CEMIP: variants seen among roughly 807,000 people sequenced by gnomAD.
The protein encoded by CEMIP is cell migration-inducing and hyaluronan-binding protein.
In CEMIP, 105 loss-of-function variants were observed where a neutral mutation model predicts 156.9. The observed-to-expected ratio is 0.67, with a 90% CI of 0.57 to 0.79. The LOEUF is 0.79. CEMIP is among the 30% of genes least tolerant of loss of function. The probability of loss-of-function intolerance (pLI) is 0.00; values close to 1 mark genes in which losing one functional copy is unlikely to be tolerated. For synonymous variants in CEMIP, 676 were observed against 668.4 expected, an observed-to-expected ratio of 1.01 and a Z score of -0.17; for missense variants, 1,457 against 1,769.4, an observed-to-expected ratio of 0.82 and a Z score of 3.17.
chr15:80,838,529 A>G (rs1897315879), intron 1 of CEMIP, among the ~76,000 whole-genome samples: 1 of 152,008 alleles, frequency 6.6e-6, no homozygotes, highest in Non-Finnish European at 1.5e-5. Context: ...CTGCCCAAAT[A>G]TGATGGTTGG....
chr15:80,790,117 TAA>T (rs1448172354), intron 1 of CEMIP, among the ~76,000 whole-genome samples: 1 of 152,216 alleles, frequency 6.6e-6, no homozygotes, highest in African/African-American at 2.4e-5. Flanking sequence ...CCCAATACAA[TAA>T]AGAGTCCTTT....
intron 14 of CEMIP, 200 bp downstream of exon 14, chr15:80,909,506 T>A: frequency 1.5e-6 from 1 of 670,624 alleles, no homozygotes; most frequent in Non-Finnish European, 2.7e-6. Context: ...TTACCAAAGG[T>A]ACCAAGCAGA....
At position 80,925,928 on chromosome 15, in the gene CEMIP, A is replaced by G. The variant is rs1676203389; in HGVS notation, c.2420+173A>G. On this transcript the variant is annotated intron_variant, in intron 19 of 29. Coordinates refer to ENST00000394685, the MANE Select transcript of CEMIP (RefSeq NM_001293298.2). ...AGAATGGCAGCAGGCAGTGGCCAAA[A>G]AAAACAAAACCTAAAAGCAGCATAT... 2.6e-5 allele frequency among the ~76,000 whole-genome samples: 4 copies of G among 152,236 alleles called. No individual in the cohort carries two copies. The South Asian group carries it at 8.3e-4, about 32-fold the overall frequency.
intron 1 of CEMIP, among the ~76,000 whole-genome samples, chr15:80,841,620 G>A (rs7183103): frequency 4.6e-5 from 7 of 152,150 alleles, no homozygotes; most frequent in African/African-American, 1.7e-4. Context: ...TGTTTATCAG[G>A]AGGCTCTTTC....
At position 80,942,333 on chromosome 15, in the gene CEMIP, T is replaced by C. The variant is rs970526382; in HGVS notation, c.3695T>C (p.Ile1232Thr). 3.1e-6 allele frequency: 5 copies of C among 1,612,680 alleles called. No homozygotes were observed. The highest frequency in any genetic ancestry group is 4.2e-6 in the Non-Finnish European group (5 of 1,178,622). ...FFHLWNDFAY[I>T]EVDGKKYPSS... is the part of the protein sequence containing the mutation. Reference sequence around the variant, plus strand: ...CACCTCTGGAACGACTTCGCTTACATTGAAGTAAGTGCCTCTGGCCCCTGG... The same window carrying C: ...CACCTCTGGAACGACTTCGCTTACACTGAAGTAAGTGCCTCTGGCCCCTGG... Residue 1232 changes from isoleucine (I) to threonine (T), a missense_variant, in exon 27 of 30, where the codon ATT becomes ACT. Ile to Thr is a moderately conservative substitution (Grantham distance 89). Transcript: ENST00000394685.
chr15:80,861,161 C>T (rs1272373157), intron 1 of CEMIP, among the ~76,000 whole-genome samples: 1 of 152,102 alleles, frequency 6.6e-6, no homozygotes, highest in African/African-American at 2.4e-5. Context: ...ATGCCTAGAA[C>T]CATCGTGCAG....
At chr15:80,925,907 T>C (rs1900646457) in intron 19 of CEMIP, 152 bp downstream of exon 19, 2 of 1,220,184 alleles carry the variant, frequency 1.6e-6, no homozygotes, top group Non-Finnish European at 2.2e-6. Context: ...GGGCATAGAA[T>C]GGCAGCAGGC....
chr15:80,877,642 G>A (rs1898518414), intron 3 of CEMIP, among the ~76,000 whole-genome samples: 1 of 152,178 alleles, frequency 6.6e-6, no homozygotes, highest in African/African-American at 2.4e-5. Flanking sequence ...TTCTGTGACA[G>A]CGCCAGTCCT....
chr15:80,839,476 G>A (rs1348345113), intron 1 of CEMIP, among the ~76,000 whole-genome samples: 4 of 152,134 alleles, frequency 2.6e-5, no homozygotes, highest in Admixed American at 1.3e-4. Flanking sequence ...CCTGCAAACC[G>A]GGCCCTGCAG....
chr15:80,844,181 C>T (rs912835114), intron 1 of CEMIP, among the ~76,000 whole-genome samples: 2 of 152,240 alleles, frequency 1.3e-5, no homozygotes, highest in Non-Finnish European at 2.9e-5. Flanking sequence ...ACCCAGTGTC[C>T]GGAGCAGCTG....
At chr15:80,868,956 C>T (rs1348038334) in intron 1 of CEMIP, among the ~76,000 whole-genome samples, 1 of 152,182 alleles carries the variant, frequency 6.6e-6, no homozygotes, top group Non-Finnish European at 1.5e-5. Flanking sequence ...GCTGCCATAA[C>T]AAAGTAGCAC....
intron 1 of CEMIP, among the ~76,000 whole-genome samples, chr15:80,818,589 G>T (rs1567057993): frequency 6.6e-6 from 1 of 152,202 alleles, no homozygotes; most frequent in Non-Finnish European, 1.5e-5. Flanking sequence ...CATTACTGAT[G>T]TCAGAATAGC....
chr15:80,945,718 G>A (rs1901525168), intron 28 of CEMIP, among the ~76,000 whole-genome samples: 1 of 152,194 alleles, frequency 6.6e-6, no homozygotes, highest in African/African-American at 2.4e-5. Flanking sequence ...TGTCTGGACT[G>A]TGGTCTGTGG....
intron 1 of CEMIP, among the ~76,000 whole-genome samples, chr15:80,834,999 T>C (rs1413098457): frequency 6.6e-6 from 1 of 152,146 alleles, no homozygotes; most frequent in African/African-American, 2.4e-5. Context: ...TACTCAAGTG[T>C]TGTTATTTTT....
chr15:80,888,293 C>T (rs1429897914), intron 8 of CEMIP, among the ~76,000 whole-genome samples: 3 of 151,982 alleles, frequency 2.0e-5, no homozygotes, highest in Admixed American at 1.3e-4. Flanking sequence ...TGCACTCCAG[C>T]CTGAGCAACA....
At chr15:80,828,483 C>A (rs917183651) in intron 1 of CEMIP, among the ~76,000 whole-genome samples, 1 of 152,116 alleles carries the variant, frequency 6.6e-6, no homozygotes, top group Non-Finnish European at 1.5e-5. Flanking sequence ...AGGCAATACA[C>A]AATTTGAATC....
intron 8 of CEMIP, 106 bp from the exon 9 acceptor site, chr15:80,888,595 A>C: frequency 1.2e-6 from 1 of 811,464 alleles, no homozygotes; most frequent in Admixed American, 2.0e-5. Context: ...TTTTTAAAGA[A>C]ATGAGTCAAT....
In CEMIP at chr15:80,941,787, GGGA is replaced by G. The variant is rs1227146248; in HGVS notation, c.3408-57_3408-55del. On this transcript the variant is annotated intron_variant, in intron 25 of 29. Transcript: ENST00000394685. Reference sequence around the variant, plus strand: ...GCTCAGAGTAAATGTCTCGGTGGGTGGGAGGAGAAGAGGGAGGTTTGAGTGTCC... The same window carrying G: ...GCTCAGAGTAAATGTCTCGGTGGGTGGGAGAAGAGGGAGGTTTGAGTGTCC... The G allele has an allele frequency of 2.9e-5, 42 of 1,462,268 alleles. No homozygotes were observed. The Admixed American group carries it at 3.7e-4, about 13-fold the overall frequency. The allele number at this position is 1,462,268 out of a possible 1,614,324, so 90.6% of individuals were successfully genotyped here.
chr15:80,812,393 G>A (rs1896692946), intron 1 of CEMIP, among the ~76,000 whole-genome samples: 1 of 152,160 alleles, frequency 6.6e-6, no homozygotes, highest in African/African-American at 2.4e-5. Context: ...ACAAACTTGT[G>A]TAAAAGAAGA....
Sources: gnomAD v4.1 joint callset for allele counts (sites outside exome capture counted in the v4.1 genomes callset) on GRCh38, gnomAD v4.1.1 for gene constraint, MANE v1.5 for transcripts, NCBI Gene and HGNC (gene_info 2026-07-23, HGNC 2026-07-21) for gene names.